Variants in CBR3 observed in about 807,000 individuals in gnomAD.
The protein encoded by CBR3 is carbonyl reductase [NADPH] 3.
Under a neutral mutation model 11.6 loss-of-function variants are expected in CBR3, and 14 were observed. The observed-to-expected ratio is 1.20, with a 90% CI of 0.79 to 1.88. The LOEUF is 1.88. Ranked by LOEUF, CBR3 falls within the 40% of genes most tolerant of loss-of-function variation. The pLI is 0.00. For synonymous variants in CBR3, 125 were observed against 145.6 expected, an observed-to-expected ratio of 0.86 and a Z score of 1.02; for missense variants, 308 against 357.3, an observed-to-expected ratio of 0.86 and a Z score of 1.11.
At chr21:36,144,473 AT>A (rs1488493206) in intron 2 of CBR3, among the ~76,000 whole-genome samples, 1 of 150,098 alleles carries the variant, frequency 6.7e-6, no homozygotes, top group African/African-American at 2.5e-5. Flanking sequence ...AAAATAAAAA[AT>A]TTTTAGGCCG....
Position 36,137,932 on chromosome 21 carries a change from G to A in CBR3, c.397G>A (p.Gly133Arg), listed in dbSNP as rs369860904. 6 of 1,564,470 alleles carry A rather than the reference G, an allele frequency of 3.8e-6. No individual in the cohort carries two copies. Among genetic ancestry groups the A allele is most frequent in the Non-Finnish European group, 4.4e-6 (5 of 1,135,536 alleles). Residue 133 changes from glycine to arginine, a missense_variant and splice_region_variant, in exon 2 of 3, where the codon GGG (glycine) becomes AGG (arginine). Physicochemically the swap from Gly to Arg is moderately radical, Grantham distance 125. Transcript: ENST00000290354. ...NELLPIMKPH[G>R]RVVNISSLQC... ...GTTACTGCCGATAATGAAACCTCAT[G>A]GTAAGCCCAACGTGTGGACAGTCGG...
Position 36,135,425 on chromosome 21 carries a change from G to C in CBR3, c.233G>C (p.Arg78Pro), listed in dbSNP as rs772971334. Residue 78 changes from arginine (R) to proline (P), a missense_variant, in exon 1 of 3, where the codon CGC (arginine) becomes CCC (proline). Transcript: ENST00000290354. ...QSIRALRDFL[R>P]KEYGGLNVLV... ...ATCCGCGCCCTGCGCGACTTCCTGC[G>C]CAAGGAGTACGGGGGGCTCAACGTA... 4 of 1,613,618 alleles carry C rather than the reference G, an allele frequency of 2.5e-6. No homozygotes were observed. Among genetic ancestry groups the C allele is most frequent in the Admixed American group, 1.7e-5 (1 of 60,012 alleles).
chr21:36,140,790 G>A (rs932532054), intron 2 of CBR3, among the ~76,000 whole-genome samples: 6 of 152,122 alleles, frequency 3.9e-5, no homozygotes, highest in African/African-American at 7.2e-5. Flanking sequence ...GGCAGACCAC[G>A]AGGTCAGGAG....
At chr21:36,145,769 G>A (rs1156298043) in intron 2 of CBR3, among the ~76,000 whole-genome samples, 1 of 152,116 alleles carries the variant, frequency 6.6e-6, no homozygotes, top group African/African-American at 2.4e-5. Context: ...AGACCAGCCT[G>A]GCCAACATGG....
intron 2 of CBR3, among the ~76,000 whole-genome samples, chr21:36,142,204 G>A (rs1034206894): frequency 8.6e-5 from 13 of 151,978 alleles, no homozygotes; most frequent in Admixed American, 1.3e-4. Flanking sequence ...AGACCAAGGC[G>A]GGCGGATCAT....
At chr21:36,137,686 A>G in intron 1 of CBR3, 139 bp from the exon 2 acceptor site, 1 of 611,134 alleles carries the variant, frequency 1.6e-6, no homozygotes, top group Non-Finnish European at 2.9e-6. Context: ...AAGTTTGAGA[A>G]TCACCGACCT....
intron 2 of CBR3, 143 bp downstream of exon 2, chr21:36,138,075 C>G: frequency 3.2e-6 from 2 of 619,036 alleles, no homozygotes; most frequent in South Asian, 3.9e-5. Flanking sequence ...CTTCATTTTC[C>G]CACAGTGTTT....
Position 36,139,377 on chromosome 21 carries a change from TTTTTC to T in CBR3, c.397+1450_397+1454del, listed in dbSNP as rs1273925012. Among the ~76,000 whole-genome samples, 21 of 96,836 alleles carry T rather than the reference TTTTTC, an allele frequency of 2.2e-4. 1 individual carries two copies. The Admixed American group carries it at 2.5e-3, about 12-fold the overall frequency. The allele number at this position is 96,836 out of a possible 152,430, so 63.5% of individuals were successfully genotyped here. On this transcript the variant is annotated intron_variant, in intron 2 of 2. Coordinates refer to ENST00000290354, the MANE Select transcript of CBR3 (RefSeq NM_001236.4). Reference sequence around the variant, plus strand: ...TGGTTTTTATTAAAAATGTGCTTGCTTTTTCTTTTTTTTTTTTTTTTTTTGACAGA... The same window carrying T: ...TGGTTTTTATTAAAAATGTGCTTGCTTTTTTTTTTTTTTTTTTTTGACAGA...
At chr21:36,137,711 G>A (rs2065672476) in intron 1 of CBR3, 114 bp from the exon 2 acceptor site, 2 of 663,658 alleles carry the variant, frequency 3.0e-6, no homozygotes, top group East Asian at 2.7e-5. Context: ...CTTAAAAATT[G>A]TTTTAAAATT....
At chr21:36,140,129 T>C (rs1304575147) in intron 2 of CBR3, among the ~76,000 whole-genome samples, 1 of 152,034 alleles carries the variant, frequency 6.6e-6, no homozygotes, top group Non-Finnish European at 1.5e-5. Flanking sequence ...CCTCAGGTGA[T>C]CCACCCGCCT....
chr21:36,140,010 T>C (rs2065696662), intron 2 of CBR3, among the ~76,000 whole-genome samples: 1 of 147,200 alleles, frequency 6.8e-6, no homozygotes, highest in Non-Finnish European at 1.5e-5. Context: ...CCCCAGCCTC[T>C]CAAGTAGCTG....
Position 36,135,189 on chromosome 21 carries a change from A to G in CBR3, c.-4A>G. 6.9e-7 allele frequency: 1 copy of G among 1,457,588 alleles called. No homozygotes were observed. Among genetic ancestry groups the G allele is most frequent in the Non-Finnish European group, 9.0e-7 (1 of 1,106,054 alleles). 90.3% of individuals were successfully genotyped at this position (1,457,588 alleles called of 1,614,324 possible). On this transcript the variant is annotated 5_prime_UTR_variant, in exon 1 of 3. Transcript: ENST00000290354. ...CGCAGGTGCCCCGCGCTCCCCGCTC[A>G]GCCATGTCGTCCTGCAGCCGCGTGG... is the stretch of plus-strand genomic sequence containing the variant.
intron 1 of CBR3, 77 bp downstream of exon 1, chr21:36,135,558 C>G: frequency 7.3e-7 from 1 of 1,376,130 alleles, no homozygotes; most frequent in Non-Finnish European, 9.8e-7. Context: ...GCTCCCCACC[C>G]GTCCACTTGA....
At chr21:36,137,966 C>T (rs1407003238) in intron 2 of CBR3, 34 bp downstream of exon 2, 25 of 1,191,756 alleles carry the variant, frequency 2.1e-5, no homozygotes, top group Non-Finnish European at 3.0e-5. Context: ...GGGTTGCATC[C>T]CTCAGTAAGA....
At position 36,137,519 on chromosome 21, in the gene CBR3, GA is replaced by G. The variant is rs2065669821; in HGVS notation, c.290-304del. The G allele has an allele frequency of 1.0e-4, 3 of 29,570 alleles. No homozygotes were observed. In the East Asian group the frequency reaches 5.0e-3, roughly 49 times the overall value. 1.8% of individuals were successfully genotyped at this position (29,570 alleles called of 1,614,324 possible). ...AAAAGAAAGAAAGGAAGGAAGGAAG[GA>G]AGGAAGGAAGGAAGGAAGGAAGGAA... On this transcript the variant is annotated intron_variant, in intron 1 of 2. Transcript: ENST00000290354.
rs1370031368 is a variant in CBR3, at chr21:36,135,227, G to A, written c.35G>A (p.Gly12Glu). 1.3e-6 allele frequency: 2 copies of A among 1,544,490 alleles called. No individual in the cohort carries two copies. The highest frequency in any genetic ancestry group is 1.2e-5 in the South Asian group (1 of 81,678). ...SSCSRVALVT[G>E]ANRGIGLAIA... ...TGCAGCCGCGTGGCGCTGGTGACCG[G>A]GGCCAACAGGGGCATCGGCTTGGCC... The change falls in exon 1 of 3, where the codon GGG (glycine) becomes GAG (glutamate). Residue 12 changes from glycine (G) to glutamate (E), a missense_variant. Physicochemically the swap from Gly to Glu is moderately conservative, Grantham distance 98. Coordinates refer to ENST00000290354, the MANE Select transcript of CBR3 (RefSeq NM_001236.4).
intron 2 of CBR3, among the ~76,000 whole-genome samples, chr21:36,142,789 C>T (rs1203771688): frequency 6.6e-6 from 1 of 152,124 alleles, no homozygotes; most frequent in Non-Finnish European, 1.5e-5. Flanking sequence ...TGTAACTTCT[C>T]TGTAACAGGA....
In CBR3 at chr21:36,146,287, C is replaced by G. The variant is rs752198289; in HGVS notation, c.609C>G (p.Val203=). 1.3e-5 allele frequency: 21 copies of G among 1,614,028 alleles called. No homozygotes were observed. The highest frequency in any genetic ancestry group is 2.2e-5 in the East Asian group (1 of 44,878). ...GGGTGTCCAAGTTGGGGGTCACGGT[C>G]TTATCGAGGATCCTGGCCAGGCGTC... The part of the protein sequence containing the change: ...PYGVSKLGVT[V]LSRILARRLD... Residue 203 remains valine, a synonymous_variant, in exon 3 of 3, where the codon GTC becomes GTG. Coordinates refer to ENST00000290354, the MANE Select transcript of CBR3 (RefSeq NM_001236.4).
chr21:36,136,630 C>G (rs1216323817), intron 1 of CBR3, among the ~76,000 whole-genome samples: 4 of 152,104 alleles, frequency 2.6e-5, no homozygotes, highest in African/African-American at 9.7e-5. Flanking sequence ...GGAGGGACTT[C>G]CCCTTGCCTT....
Sources: gnomAD v4.1 joint callset for allele counts (sites outside exome capture counted in the v4.1 genomes callset) on GRCh38, gnomAD v4.1.1 for gene constraint, MANE v1.5 for transcripts, NCBI Gene and HGNC (gene_info 2026-07-23, HGNC 2026-07-21) for gene names.